The following KCNH5 variants were observed in gnomAD, a reference collection of about 807,000 sequenced individuals.
The protein encoded by KCNH5 is voltage-gated delayed rectifier potassium channel KCNH5.
Under a neutral mutation model 96.1 loss-of-function variants are expected in KCNH5, and 46 were observed. The ratio of observed to expected loss-of-function variants is 0.48; its 90% confidence interval spans 0.38 to 0.61. KCNH5 has a LOEUF of 0.61. Among genes scored for constraint, KCNH5 ranks in the 20% least tolerant of loss-of-function variants. KCNH5 has a pLI of 0.00. For synonymous variants in KCNH5, 439 were observed against 449.8 expected, an observed-to-expected ratio of 0.98 and a Z score of 0.30; for missense variants, 907 against 1,225.8, an observed-to-expected ratio of 0.74 and a Z score of 3.88.
chr14:62,850,222 T>A (rs2140046094), intron 7 of KCNH5, among the ~76,000 whole-genome samples: 1 of 152,340 alleles, frequency 6.6e-6, no homozygotes, highest in South Asian at 2.1e-4. Context: ...TTTGTCCTCC[T>A]GAATGAAGCC....
intron 10 of KCNH5, among the ~76,000 whole-genome samples, chr14:62,716,163 A>C (rs1297267421): frequency 6.6e-6 from 1 of 152,162 alleles, no homozygotes; most frequent in East Asian, 1.9e-4. Flanking sequence ...TTATTTGTAC[A>C]AATTTTTCAT....
intron 10 of KCNH5, among the ~76,000 whole-genome samples, chr14:62,726,489 C>A (rs1432266267): frequency 6.6e-6 from 1 of 151,716 alleles, no homozygotes. Flanking sequence ...CATTTTACCA[C>A]AAGAAGTCAT....
intron 7 of KCNH5, among the ~76,000 whole-genome samples, chr14:62,861,597 TAA>T (rs1888033363): frequency 1.3e-5 from 2 of 151,112 alleles, no homozygotes; most frequent in Admixed American, 1.3e-4. Context: ...TTTCCTATGT[TAA>T]GTTAGGAAAA....
chr14:62,951,316 A>G (rs1161409106), intron 6 of KCNH5, among the ~76,000 whole-genome samples: 1 of 152,234 alleles, frequency 6.6e-6, no homozygotes, highest in African/African-American at 2.4e-5. Flanking sequence ...ATCAAAGCAC[A>G]GCATAGGCTT....
intron 7 of KCNH5, among the ~76,000 whole-genome samples, chr14:62,936,976 A>G (rs1566714404): frequency 1.1e-5 from 1 of 92,944 alleles, no homozygotes; most frequent in African/African-American, 5.5e-5. Context: ...GTGAGACTCC[A>G]TCTCAAAAAA....
chr14:63,018,406 G>A (rs1051213121), intron 1 of KCNH5, among the ~76,000 whole-genome samples: 9 of 151,914 alleles, frequency 5.9e-5, no homozygotes, highest in South Asian at 2.1e-4. Flanking sequence ...CCAAAACTGG[G>A]CAGGCATAGG....
intron 10 of KCNH5, among the ~76,000 whole-genome samples, chr14:62,734,339 T>C: frequency 6.6e-6 from 1 of 152,222 alleles, no homozygotes; most frequent in East Asian, 1.9e-4. Context: ...ACTGCTGCTC[T>C]GACCCTTACC....
chr14:62,922,728 A>C (rs1889402424), intron 7 of KCNH5, among the ~76,000 whole-genome samples: 1 of 152,044 alleles, frequency 6.6e-6, no homozygotes, highest in South Asian at 2.1e-4. Context: ...CAGTAGATGC[A>C]GAAAAAACAT....
At chr14:62,828,247 T>G (rs1038938198) in intron 8 of KCNH5, among the ~76,000 whole-genome samples, 3 of 152,142 alleles carry the variant, frequency 2.0e-5, no homozygotes, top group Non-Finnish European at 4.4e-5. Flanking sequence ...GCATTATAGC[T>G]CTTTGTGGGA....
chr14:62,750,581 C>T (rs1873274), intron 10 of KCNH5, among the ~76,000 whole-genome samples: 41,962 of 152,012 alleles, frequency 0.28, 6,545 homozygotes, highest in South Asian at 0.53. Flanking sequence ...TTTTGACGTC[C>T]TCTGCAATGG....
At chr14:62,756,109 T>A (rs1324801405) in intron 10 of KCNH5, among the ~76,000 whole-genome samples, 1 of 151,746 alleles carries the variant, frequency 6.6e-6, no homozygotes, top group Non-Finnish European at 1.5e-5. Context: ...AGTAAAGTTC[T>A]AAGATACAAA....
At chr14:62,922,597 A>G (rs970914995) in intron 7 of KCNH5, among the ~76,000 whole-genome samples, 3 of 152,024 alleles carry the variant, frequency 2.0e-5, no homozygotes, top group African/African-American at 7.2e-5. Flanking sequence ...AGGATCATAC[A>G]CTATACGCCA....
At chr14:62,782,443 T>C (rs540885134) in intron 9 of KCNH5, among the ~76,000 whole-genome samples, 2 of 152,324 alleles carry the variant, frequency 1.3e-5, no homozygotes, top group East Asian at 3.9e-4. Context: ...CAAAAATTCC[T>C]TTTAGTTCAT....
chr14:62,934,039 C>T (rs1277467521), intron 7 of KCNH5, among the ~76,000 whole-genome samples: 3 of 152,084 alleles, frequency 2.0e-5, no homozygotes, highest in African/African-American at 7.2e-5. Flanking sequence ...TTACGCAGCA[C>T]AGAAAGGCTC....
At chr14:62,877,305 C>T (rs1200360150) in intron 7 of KCNH5, among the ~76,000 whole-genome samples, 1 of 151,656 alleles carries the variant, frequency 6.6e-6, no homozygotes, top group East Asian at 1.9e-4. Flanking sequence ...ATGTCTAAAA[C>T]ACCAAAAGCA....
At chr14:62,955,455 T>A (rs565392590) in intron 6 of KCNH5, among the ~76,000 whole-genome samples, 2 of 152,336 alleles carry the variant, frequency 1.3e-5, no homozygotes, top group African/African-American at 2.4e-5. Context: ...AGAACAATCC[T>A]ATGTGGTACC....
At chr14:62,793,235 C>G (rs1197121073) in intron 9 of KCNH5, among the ~76,000 whole-genome samples, 2 of 151,682 alleles carry the variant, frequency 1.3e-5, no homozygotes, top group Admixed American at 6.6e-5. Context: ...ACACATAGAG[C>G]CTATACTTCA....
chr14:62,740,428 A>ATAATT (rs1162500271), intron 10 of KCNH5, among the ~76,000 whole-genome samples: 3 of 151,936 alleles, frequency 2.0e-5, no homozygotes, highest in Non-Finnish European at 4.4e-5. Context: ...TTTAGCCACT[A>ATAATT]TTGCCCTCCT....
intron 10 of KCNH5, among the ~76,000 whole-genome samples, chr14:62,775,918 C>T (rs577387917): frequency 1.3e-5 from 2 of 152,286 alleles, no homozygotes; most frequent in East Asian, 1.9e-4. Context: ...AAGCTCTTAT[C>T]CCCAATGTGA....
Sources: allele counts gnomAD v4.1 joint callset (sites outside exome capture counted in the v4.1 genomes callset), GRCh38; gene constraint gnomAD v4.1.1; transcripts MANE v1.5; gene names NCBI Gene and HGNC (gene_info 2026-07-23, HGNC 2026-07-21).